ACBD6: variants seen among roughly 807,000 people sequenced by gnomAD.
ACBD6 encodes acyl-CoA binding domain containing 6, also known as acyl-CoA-binding domain-containing protein 6.
Under a neutral mutation model 37.2 loss-of-function variants are expected in ACBD6, and 28 were observed. The observed-to-expected ratio is 0.75, with a 90% CI of 0.56 to 1.03. The LOEUF is 1.03. Ranked by LOEUF, ACBD6 falls within the 50% of genes least tolerant of loss-of-function variation. ACBD6 has a pLI of 0.00. For missense variants in ACBD6, 340 were observed against 337.4 expected (o/e 1.01, Z -0.06); for synonymous variants, 113 against 126.8 (o/e 0.89, Z 0.73).
intron 5 of ACBD6, among the ~76,000 whole-genome samples, chr1:180,412,031 G>A (rs760432388): frequency 6.6e-5 from 10 of 150,490 alleles, no homozygotes; most frequent in South Asian, 2.1e-4. Context: ...GCTTTATTGC[G>A]ATAGTCACTT....
At chr1:180,435,552 G>A in intron 3 of ACBD6, 1 of 918,558 alleles carries the variant, frequency 1.1e-6, no homozygotes, top group Non-Finnish European at 1.7e-6. Context: ...TGCCCAGCCT[G>A]GATGAATTTT....
In ACBD6 at chr1:180,315,441, A is replaced by C. The variant is rs142507228; in HGVS notation, c.664-719T>G. The stretch of plus-strand genomic sequence containing the variant: ...CATGAGCAACAAATAATCAAAGTAC[A>C]CAAGTGAAAAGCACAATTTAGTAAT... On this transcript the variant is annotated intron_variant, in intron 6 of 7. Transcript: ENST00000367595. Among the ~76,000 whole-genome samples the C allele has an allele frequency of 2.2e-4, 34 of 152,376 alleles. No individual in the cohort carries two copies. In the East Asian group the frequency reaches 3.1e-3, roughly 14 times the overall value.
exon 14 of ACBD6, chr1:180,271,590 G>A: frequency 6.2e-7 from 1 of 1,600,270 alleles, no homozygotes. Context: ...GACAGGGGTG[G>A]AAGGTATCCT....
chr1:180,474,289 T>C (rs998021791), intron 3 of ACBD6, among the ~76,000 whole-genome samples: 4 of 152,112 alleles, frequency 2.6e-5, no homozygotes, highest in African/African-American at 7.2e-5. Flanking sequence ...TAAAAAGTTA[T>C]AAAATGAGAG....
chr1:180,446,507 A>G (rs548346993), intron 3 of ACBD6, among the ~76,000 whole-genome samples: 164 of 152,184 alleles, frequency 1.1e-3, no homozygotes, highest in Non-Finnish European at 2.0e-3. Context: ...TTCCTGAAAC[A>G]TGAATAGCTA....
At chr1:180,294,545 A>T (rs553401786) in intron 7 of ACBD6, among the ~76,000 whole-genome samples, 212 of 150,480 alleles carry the variant, frequency 1.4e-3, no homozygotes, top group Non-Finnish European at 2.5e-3. Flanking sequence ...GACTTAAAAA[A>T]ATATATAATA....
chr1:180,351,328 T>C (rs559469998), intron 6 of ACBD6, among the ~76,000 whole-genome samples: 1 of 150,210 alleles, frequency 6.7e-6, no homozygotes, highest in Admixed American at 6.7e-5. Flanking sequence ...CAGGCTGGAG[T>C]ACAATGGCAC....
intron 3 of ACBD6, among the ~76,000 whole-genome samples, chr1:180,436,353 T>C (rs1026627582): frequency 6.6e-6 from 1 of 152,166 alleles, no homozygotes; most frequent in Non-Finnish European, 1.5e-5. Flanking sequence ...GTGTACAAAC[T>C]CACCTGAATG....
At position 180,397,570 on chromosome 1, in the gene ACBD6, T is replaced by C. The variant is rs1401277223; in HGVS notation, c.609A>G (p.Gly203=). 5 of 1,614,098 alleles carry C rather than the reference T, an allele frequency of 3.1e-6. No homozygotes were observed. In the East Asian group the frequency reaches 6.7e-5, roughly 22 times the overall value. ...GCAACACTGTGACTAGTTCCTTATGTCCTCGATCACAGGCCCAGTGAAGTA... is the reference window on the plus strand; with the variant it reads ...GCAACACTGTGACTAGTTCCTTATGCCCTCGATCACAGGCCCAGTGAAGTA... ...RALLHWACDR[G]HKELVTVLLQ... is the part of the protein sequence containing the mutation. The change falls in exon 6 of 8, where the codon GGA becomes GGG. Residue 203 remains glycine (G), a synonymous_variant. Coordinates refer to ENST00000367595, the MANE Select transcript of ACBD6 (RefSeq NM_032360.4).
At chr1:180,333,387 T>C (rs577902256) in intron 6 of ACBD6, among the ~76,000 whole-genome samples, 6 of 152,330 alleles carry the variant, frequency 3.9e-5, no homozygotes, top group East Asian at 1.9e-4. Context: ...AAATATGCTA[T>C]TGCATGCTCA....
At chr1:180,443,861 G>C (rs975047893) in intron 3 of ACBD6, among the ~76,000 whole-genome samples, 1 of 150,316 alleles carries the variant, frequency 6.7e-6, no homozygotes, top group Non-Finnish European at 1.5e-5. Context: ...CTGACCTCGT[G>C]ATCTGCCTGC....
intron 7 of ACBD6, among the ~76,000 whole-genome samples, chr1:180,290,679 A>G (rs571265750): frequency 1.3e-5 from 2 of 152,366 alleles, no homozygotes; most frequent in Admixed American, 6.5e-5. Flanking sequence ...ACAAATTGGT[A>G]GTAAGATGTA....
At chr1:180,410,553 T>G (rs1647811628) in intron 5 of ACBD6, among the ~76,000 whole-genome samples, 1 of 152,210 alleles carries the variant, frequency 6.6e-6, no homozygotes, top group Admixed American at 6.5e-5. Context: ...TAATCTATTC[T>G]GCCTGTGCTT....
chr1:180,397,958 C>T (rs551894830), intron 5 of ACBD6, among the ~76,000 whole-genome samples: 13 of 152,122 alleles, frequency 8.5e-5, no homozygotes, highest in African/African-American at 3.1e-4. Flanking sequence ...GAGGATGAGG[C>T]AGGAGAATCG....
intron 3 of ACBD6, among the ~76,000 whole-genome samples, chr1:180,469,554 TGACA>T (rs1650478054): frequency 6.6e-6 from 1 of 152,196 alleles, no homozygotes; most frequent in South Asian, 2.1e-4. Context: ...TTCATGCAAC[TGACA>T]GATTCAATAT....
intron 3 of ACBD6, among the ~76,000 whole-genome samples, chr1:180,474,327 G>C (rs967136702): frequency 1.3e-5 from 2 of 152,052 alleles, no homozygotes; most frequent in African/African-American, 2.4e-5. Context: ...AAATATAGGT[G>C]AAATTCATAC....
intron 6 of ACBD6, among the ~76,000 whole-genome samples, chr1:180,351,321 G>A (rs896561372): frequency 2.0e-5 from 3 of 150,226 alleles, no homozygotes; most frequent in Non-Finnish European, 4.4e-5. Context: ...TGTCACCCAG[G>A]CTGGAGTACA....
At chr1:180,407,207 G>A (rs550639904) in intron 5 of ACBD6, among the ~76,000 whole-genome samples, 1 of 152,296 alleles carries the variant, frequency 6.6e-6, no homozygotes, top group South Asian at 2.1e-4. Flanking sequence ...AATCTGCTTG[G>A]AGCAATGAGA....
intron 6 of ACBD6, among the ~76,000 whole-genome samples, chr1:180,324,321 G>A (rs544423316): frequency 6.6e-6 from 1 of 151,860 alleles, no homozygotes; most frequent in African/African-American, 2.4e-5. Context: ...TCTTCCTTTA[G>A]TGAAGGTAGT....
Sources: allele counts gnomAD v4.1 joint callset (sites outside exome capture counted in the v4.1 genomes callset), GRCh38; gene constraint gnomAD v4.1.1; transcripts MANE v1.5; gene names NCBI Gene and HGNC (gene_info 2026-07-23, HGNC 2026-07-21).